The following GPATCH8 variants were observed in gnomAD, a reference collection of about 807,000 sequenced individuals.
GPATCH8 encodes G-patch domain containing 8.
In GPATCH8, 18 loss-of-function variants were observed where a neutral mutation model predicts 118.3. That is an observed-to-expected ratio of 0.15 (90% confidence interval 0.11 to 0.23). The LOEUF is 0.23. Among genes scored for constraint, GPATCH8 ranks in the 10% least tolerant of loss-of-function variants. GPATCH8 has a pLI of 1.00. For missense variants in GPATCH8, 1,631 were observed against 1,873.8 expected (o/e 0.87, Z 2.39); for synonymous variants, 659 against 684.7 (o/e 0.96, Z 0.59).
intron 3 of GPATCH8, among the ~76,000 whole-genome samples, chr17:44,459,666 AG>A (rs547491390): frequency 5.9e-4 from 90 of 152,284 alleles, no homozygotes; most frequent in African/African-American, 2.0e-3. Context: ...TAAGTATGAA[AG>A]GAGTGCACAA....
Position 44,449,513 on chromosome 17 carries a change from C to CT in GPATCH8, c.194-12969dup, listed in dbSNP as rs752494488. On this transcript the variant is annotated intron_variant, in intron 3 of 7. Transcript: ENST00000591680. Reference sequence around the variant, plus strand: ...CCCCTGCACTCAGCCTCAGAATCTACTTTTTTTTTTTTTTTTTCCTGAGAC... The same window carrying CT: ...CCCCTGCACTCAGCCTCAGAATCTACTTTTTTTTTTTTTTTTTTCCTGAGAC... Among the ~76,000 whole-genome samples the CT allele has an allele frequency of 2.6e-3, 327 of 124,764 alleles. 1 individual carries two copies. Among genetic ancestry groups the CT allele is most frequent in the Middle Eastern group, 5.2e-3 (1 of 192 alleles). The allele number at this position is 124,764 out of a possible 152,430, so 81.9% of individuals were successfully genotyped here.
chr17:44,414,105 G>GTATATATATATGTATATATATGTGTA (rs1567955378), intron 6 of GPATCH8, among the ~76,000 whole-genome samples: 13 of 100,838 alleles, frequency 1.3e-4, no homozygotes, highest in East Asian at 2.4e-4. Flanking sequence ...ATATATGTGT[G>GTATATATATATGTATATATATGTGTA]TATATATATA....
At chr17:44,447,719 TG>T (rs1356002745) in intron 3 of GPATCH8, among the ~76,000 whole-genome samples, 1 of 151,648 alleles carries the variant, frequency 6.6e-6, no homozygotes, top group Non-Finnish European at 1.5e-5. Context: ...CTCAAACTCC[TG>T]GGCTCAAGCA....
chr17:44,436,185 A>G (rs2050508976), intron 4 of GPATCH8, among the ~76,000 whole-genome samples: 1 of 152,150 alleles, frequency 6.6e-6, no homozygotes, highest in African/African-American at 2.4e-5. Context: ...AACACTGCCT[A>G]CTGAAGCAAG....
At chr17:44,414,252 G>A (rs909541996) in intron 6 of GPATCH8, among the ~76,000 whole-genome samples, 1 of 151,230 alleles carries the variant, frequency 6.6e-6, no homozygotes, top group African/African-American at 2.4e-5. Context: ...AACTTAAGCT[G>A]GTTAATGAGG....
At chr17:44,464,270 T>G (rs1198197443) in intron 3 of GPATCH8, among the ~76,000 whole-genome samples, 3 of 152,320 alleles carry the variant, frequency 2.0e-5, no homozygotes, top group Non-Finnish European at 4.4e-5. Flanking sequence ...CACAGCAGCT[T>G]ACTCTTGCAA....
intron 6 of GPATCH8, among the ~76,000 whole-genome samples, chr17:44,422,387 T>C (rs1235469057): frequency 1.3e-5 from 2 of 152,080 alleles, no homozygotes; most frequent in East Asian, 3.9e-4. Context: ...GGGCAGGTCT[T>C]GTACATTGCT....
At chr17:44,470,489 C>G (rs1161102642) in intron 2 of GPATCH8, among the ~76,000 whole-genome samples, 1 of 148,606 alleles carries the variant, frequency 6.7e-6, no homozygotes, top group African/African-American at 2.5e-5. Flanking sequence ...CCACTGCACC[C>G]AGCGCTTTTT....
intron 5 of GPATCH8, among the ~76,000 whole-genome samples, chr17:44,432,852 A>C (rs2050368381): frequency 1.3e-5 from 2 of 152,104 alleles, no homozygotes; most frequent in Admixed American, 1.3e-4. Context: ...TTGATCAATA[A>C]GATGGGGAAA....
At chr17:44,436,888 C>A in intron 3 of GPATCH8, 1 of 297,732 alleles carries the variant, frequency 3.4e-6, no homozygotes, top group Non-Finnish European at 6.5e-6. Context: ...AACTTCCCAT[C>A]AAGTATCACT....
In GPATCH8 at chr17:44,400,609, C is replaced by T; in HGVS notation, c.1468G>A (p.Val490Ile). The T allele has an allele frequency of 6.2e-7, 1 of 1,614,042 alleles. No homozygotes were observed. Among genetic ancestry groups the T allele is most frequent in the Non-Finnish European group, 8.5e-7 (1 of 1,179,884 alleles). Residue 490 changes from valine (V) to isoleucine (I), a missense_variant, in exon 8 of 8, where the codon GTA (valine) becomes ATA (isoleucine). This residue lies in a region of GPATCH8 where 405 missense variants were observed against 462.7 expected (regional missense o/e 0.88). Transcript: ENST00000591680. Reference sequence around the variant, plus strand: ...TGACTTTCTAAACTCTGATCACTTACATCCCCTCCTAAGGCCTTCTTTGCC... The same window carrying T: ...TGACTTTCTAAACTCTGATCACTTATATCCCCTCCTAAGGCCTTCTTTGCC... ...AEAKKALGGDVSDQSLESHSQ... is the reference protein window; with the variant it reads ...AEAKKALGGDISDQSLESHSQ...
At chr17:44,406,497 G>GGA (rs1555622795) in intron 6 of GPATCH8, among the ~76,000 whole-genome samples, 3 of 5,368 alleles carry the variant, frequency 5.6e-4, no homozygotes, top group African/African-American at 1.2e-3. Flanking sequence ...CAGCTTACAT[G>GGA]GGGGGGGGGG....
rs764430126 is a variant in GPATCH8 at position 44,424,436 on chromosome 17, G to A, written c.405C>T (p.Asn135=). 6.2e-7 allele frequency: 1 copy of A among 1,603,370 alleles called. No homozygotes were observed. The highest frequency in any genetic ancestry group is 1.1e-5 in the South Asian group (1 of 90,892). The change falls in exon 6 of 8, where the codon AAC becomes AAT. Residue 135 remains asparagine (N), a synonymous_variant. Transcript: ENST00000591680. ...IAKALEDLRA[N]FYCELCDKQY... Reference sequence around the variant, plus strand: ...GCTTATCACACAGTTCACAATAAAAGTTGGCTCTGAGGTCTTCCAAGGCTT... The same window carrying A: ...GCTTATCACACAGTTCACAATAAAAATTGGCTCTGAGGTCTTCCAAGGCTT...
intron 1 of GPATCH8, among the ~76,000 whole-genome samples, chr17:44,484,536 T>C (rs145772848): frequency 2.0e-5 from 3 of 152,196 alleles, no homozygotes; most frequent in South Asian, 2.1e-4. Flanking sequence ...TCACACCAGG[T>C]GGGTAGGTAG....
intron 6 of GPATCH8, among the ~76,000 whole-genome samples, chr17:44,420,248 G>A (rs1035737253): frequency 1.3e-5 from 2 of 152,102 alleles, no homozygotes; most frequent in African/African-American, 4.8e-5. Flanking sequence ...AGAGTAATAA[G>A]TGAATATTCT....
chr17:44,467,334 A>G (rs1042223209), intron 2 of GPATCH8: 11 of 248,264 alleles, frequency 4.4e-5, no homozygotes, highest in Admixed American at 1.7e-4. Flanking sequence ...TTAAAGGGAG[A>G]GGGAGAAAAA....
At chr17:44,464,707 G>A in intron 2 of GPATCH8, 163 bp from the exon 3 acceptor site, 1 of 638,472 alleles carries the variant, frequency 1.6e-6, no homozygotes. Context: ...GGACATTAAT[G>A]TAAAAAGAAA....
chr17:44,453,500 G>GTGTGTGTGTGTGTGTGT (rs1568011427), intron 3 of GPATCH8, among the ~76,000 whole-genome samples: 56 of 142,770 alleles, frequency 3.9e-4, no homozygotes, highest in South Asian at 6.7e-4. Flanking sequence ...GGTAGGTAGG[G>GTGTGTGTGTGTGTGTGT]GTGTGTGTGT....
chr17:44,414,642 T>C (rs2049608638), intron 6 of GPATCH8, among the ~76,000 whole-genome samples: 1 of 152,194 alleles, frequency 6.6e-6, no homozygotes, highest in East Asian at 1.9e-4. Context: ...TAGTGGGTTT[T>C]AGTACATTCT....
Sources: gnomAD v4.1 joint callset for allele counts (sites outside exome capture counted in the v4.1 genomes callset) on GRCh38, gnomAD v4.1.1 for gene constraint, gnomAD v4.1.1 regional missense constraint, MANE v1.5 for transcripts, NCBI Gene and HGNC (gene_info 2026-07-23, HGNC 2026-07-21) for gene names.